The following BDP1 variants were observed in gnomAD, a reference collection of about 807,000 sequenced individuals.
BDP1 encodes the protein BDP1 general transcription factor IIIB subunit.
Under a neutral mutation model 266.6 loss-of-function variants are expected in BDP1, and 169 were observed. That is an observed-to-expected ratio of 0.63 (90% CI 0.56 to 0.72). The LOEUF (loss-of-function observed/expected upper bound fraction) is 0.72, where lower values mean the gene tolerates loss of function less well. Among genes scored for constraint, BDP1 ranks in the 30% least tolerant of loss-of-function variants. BDP1 has a pLI of 0.00. For synonymous variants in BDP1, 1,090 were observed against 1,022.4 expected (o/e 1.07, Z -1.26); for missense variants, 3,015 against 3,053.8 (o/e 0.99, Z 0.30).
At chr5:71,459,412 T>C (rs965204509) in intron 2 of BDP1, among the ~76,000 whole-genome samples, 1 of 152,190 alleles carries the variant, frequency 6.6e-6, no homozygotes, top group African/African-American at 2.4e-5. Context: ...CTGGGGAGGC[T>C]GAGGCATGAG....
chr5:71,477,179 C>G (rs976897550), intron 7 of BDP1, among the ~76,000 whole-genome samples: 1 of 150,618 alleles, frequency 6.6e-6, no homozygotes, highest in East Asian at 2.0e-4. Context: ...TTTTTTCTTT[C>G]GAGACAGGGT....
intron 37 of BDP1, among the ~76,000 whole-genome samples, chr5:71,560,944 T>G (rs1743602250): frequency 6.6e-6 from 1 of 152,208 alleles, no homozygotes; most frequent in Non-Finnish European, 1.5e-5. Flanking sequence ...GCCTTAGATA[T>G]GTGCTGAAAA....
At chr5:71,476,013 C>T (rs1011161068) in intron 7 of BDP1, 5 of 152,872 alleles carry the variant, frequency 3.3e-5, no homozygotes, top group Non-Finnish European at 5.9e-5. Flanking sequence ...TCATTCTTCA[C>T]CTTAAAGGCA....
chr5:71,489,692 T>C lies in BDP1; in HGVS notation c.1492+10T>C, dbSNP rs1275168392. Reference sequence around the variant, plus strand: ...GGAGAAAAACACAAGAGTAAGTTTCTTACATATTTAAAAAGCCTCTATATT... The same window carrying C: ...GGAGAAAAACACAAGAGTAAGTTTCCTACATATTTAAAAAGCCTCTATATT... On this transcript the variant is annotated intron_variant, in intron 10 of 38. Coordinates refer to ENST00000358731, the MANE Select transcript of BDP1 (RefSeq NM_018429.3). The C allele has an allele frequency of 3.2e-6, 5 of 1,586,584 alleles. No individual in the cohort carries two copies. The highest frequency in any genetic ancestry group is 4.3e-6 in the Non-Finnish European group (5 of 1,171,538).
intron 1 of BDP1, among the ~76,000 whole-genome samples, chr5:71,456,519 A>G (rs987474059): frequency 1.3e-5 from 2 of 152,188 alleles, no homozygotes; most frequent in Admixed American, 1.3e-4. Context: ...GATTTATGTC[A>G]GTGAGTAAGA....
At chr5:71,499,610 ACT>A (rs1014546528) in intron 13 of BDP1, among the ~76,000 whole-genome samples, 4 of 151,770 alleles carry the variant, frequency 2.6e-5, no homozygotes, top group South Asian at 4.2e-4. Context: ...ACAGAGCGAA[ACT>A]CTGTCTCAAA....
chr5:71,474,843 T>C (rs1406609450), intron 7 of BDP1, among the ~76,000 whole-genome samples: 1 of 116,812 alleles, frequency 8.6e-6, no homozygotes, highest in Non-Finnish European at 1.9e-5. Flanking sequence ...CAAGACTCTG[T>C]CTGAAAAAAA....
intron 10 of BDP1, 107 bp downstream of exon 10, chr5:71,489,789 A>T: frequency 1.1e-6 from 1 of 932,248 alleles, no homozygotes; most frequent in South Asian, 1.7e-5. Context: ...AATGATGCTT[A>T]TTAATTGGTT....
chr5:71,517,300 TA>T, intron 21 of BDP1, 21 bp from the exon 22 acceptor site: 1 of 1,568,226 alleles, frequency 6.4e-7, no homozygotes, highest in South Asian at 1.2e-5. Context: ...AATAACATAC[TA>T]ATATGATTTT....
intron 34 of BDP1, among the ~76,000 whole-genome samples, chr5:71,551,404 G>T (rs7447146): frequency 0.45 from 67,645 of 149,966 alleles, 14,917 homozygotes; most frequent in South Asian, 0.53. Flanking sequence ...CACAGCACAT[G>T]TTTCAGAGAG....
chr5:71,481,377 C>CCCA (rs1447216211), intron 7 of BDP1, among the ~76,000 whole-genome samples: 4 of 133,578 alleles, frequency 3.0e-5, no homozygotes, highest in African/African-American at 1.1e-4. Flanking sequence ...ATGGCAAGAT[C>CCCA]CCATCTCTAC....
intron 30 of BDP1, 49 bp downstream of exon 30, chr5:71,542,314 A>G: frequency 1.4e-6 from 2 of 1,452,010 alleles, no homozygotes; most frequent in Non-Finnish European, 1.9e-6. Context: ...GACACAAGAA[A>G]TTACATTAAC....
rs376200331 is a variant in BDP1, at chr5:71,564,956, GT to G, written c.*72del. On this transcript the variant is annotated 3_prime_UTR_variant, in exon 39 of 39. Transcript: ENST00000358731. Reference sequence around the variant, plus strand: ...CAGAGTCAATTACATCAACAAAACAGTATTTAGAGCAAAATATCACTGTCTT... The same window carrying G: ...CAGAGTCAATTACATCAACAAAACAGATTTAGAGCAAAATATCACTGTCTT... 537 of 1,368,180 alleles carry G rather than the reference GT, an allele frequency of 3.9e-4. 5 individuals are homozygous for G. The East Asian group carries it at 9.6e-3, about 24-fold the overall frequency. The allele number at this position is 1,368,180 out of a possible 1,614,324, so 84.8% of individuals were successfully genotyped here.
At chr5:71,475,564 A>C (rs1762530353) in intron 7 of BDP1, among the ~76,000 whole-genome samples, 1 of 152,220 alleles carries the variant, frequency 6.6e-6, no homozygotes, top group Non-Finnish European at 1.5e-5. Context: ...TCAGCAAAGC[A>C]GTAGTTCATT....
rs796983559 is a variant in BDP1, at chr5:71,556,767, C to T, written c.7201-119C>T. Reference sequence around the variant, plus strand: ...TTGCCATAAATGTTTAGTAGAATTCCTCTAAGAGCTTTTTGGGAGATAACA... The same window carrying T: ...TTGCCATAAATGTTTAGTAGAATTCTTCTAAGAGCTTTTTGGGAGATAACA... On this transcript the variant is annotated intron_variant, in intron 35 of 38. Coordinates refer to ENST00000358731, the MANE Select transcript of BDP1 (RefSeq NM_018429.3). 1.7e-4 allele frequency: 87 copies of T among 515,476 alleles called. 1 individual carries two copies. Among genetic ancestry groups the T allele is most frequent in the African/African-American group, 1.7e-3 (82 of 49,374 alleles). 31.9% of individuals were successfully genotyped at this position (515,476 alleles called of 1,614,324 possible). A position where few individuals can be genotyped will look rare whatever the true frequency, so the allele number is the denominator to read the frequency against.
chr5:71,518,111 C>T (rs1031655184), intron 22 of BDP1, among the ~76,000 whole-genome samples: 6 of 152,140 alleles, frequency 3.9e-5, no homozygotes, highest in African/African-American at 1.4e-4. Flanking sequence ...TACTTGCTAT[C>T]TGCCTTCTTA....
At chr5:71,480,868 C>T (rs575021812) in intron 7 of BDP1, among the ~76,000 whole-genome samples, 2 of 152,248 alleles carry the variant, frequency 1.3e-5, no homozygotes, top group Admixed American at 6.5e-5. Flanking sequence ...CCCGGCCAAC[C>T]GTGAGTTTTT....
At chr5:71,467,581 T>C (rs1030514566) in intron 6 of BDP1, 94 bp downstream of exon 6, 1 of 1,032,920 alleles carries the variant, frequency 9.7e-7, no homozygotes, top group Non-Finnish European at 1.4e-6. Context: ...GTACATAAAA[T>C]GCAAACTACC....
At chr5:71,525,303 C>T (rs185710) in intron 25 of BDP1, among the ~76,000 whole-genome samples, 43,130 of 131,806 alleles carry the variant, frequency 0.33, 5,727 homozygotes, top group South Asian at 0.4. Context: ...GGCGGCTGGC[C>T]GGGCAGAGGG....
Sources: allele counts gnomAD v4.1 joint callset (sites outside exome capture counted in the v4.1 genomes callset), GRCh38; gene constraint gnomAD v4.1.1; transcripts MANE v1.5; gene names NCBI Gene and HGNC (gene_info 2026-07-23, HGNC 2026-07-21).